DNAL4: variants seen among roughly 807,000 people sequenced by gnomAD.
DNAL4 encodes dynein axonemal light chain 4.
DNAL4 carries 10 observed loss-of-function variants against 12.6 expected under a neutral mutation model. The ratio of observed to expected loss-of-function variants is 0.79; its 90% CI spans 0.49 to 1.34. DNAL4 has a LOEUF of 1.34. DNAL4 is among the 40% of genes most tolerant of loss of function. DNAL4 has a pLI of 0.00. For synonymous variants in DNAL4, 46 were observed against 53.1 expected, an observed-to-expected ratio of 0.87 and a Z score of 0.58; for missense variants, 128 against 138.1, an observed-to-expected ratio of 0.93 and a Z score of 0.37.
At position 38,779,225 on chromosome 22, in the gene DNAL4, C is replaced by T. The variant is rs570757058; in HGVS notation, c.*224G>A. Reference sequence around the variant, plus strand: ...CACGTCTCCCACACAGACCCATGCCCGCTGCCCCGTCCACACCCTGAGACT... The same window carrying T: ...CACGTCTCCCACACAGACCCATGCCTGCTGCCCCGTCCACACCCTGAGACT... On this transcript the variant is annotated 3_prime_UTR_variant, in exon 4 of 4. Coordinates refer to ENST00000216068, the MANE Select transcript of DNAL4 (RefSeq NM_005740.3). This position sits in a 1 kb window ranked among gnomAD's most constrained non-coding sequence, Gnocchi z 4.3. 3.2e-4 allele frequency: 168 copies of T among 520,126 alleles called. 2 individuals are homozygous for T. The South Asian group carries it at 5.4e-3, about 17-fold the overall frequency. The allele number at this position is 520,126 out of a possible 1,614,324, so 32.2% of individuals were successfully genotyped here.
At position 38,783,323 on chromosome 22, in the gene DNAL4, T is replaced by A. The variant is rs1030504054; in HGVS notation, c.-139-453A>T. 2.4e-4 allele frequency among the ~76,000 whole-genome samples: 34 copies of A among 144,366 alleles called. 1 individual carries two copies. The highest frequency in any genetic ancestry group is 7.6e-4 in the Admixed American group (11 of 14,552). The allele number at this position is 144,366 out of a possible 152,430, so 94.7% of individuals were successfully genotyped here. ...TCCCACTACACACACGGGCCTTCCC[T>A]CCCACTACACACGCGGGCCTTCCCT... is the stretch of plus-strand genomic sequence containing the variant. On this transcript the variant is annotated intron_variant, in intron 1 of 3. Transcript: ENST00000216068.
At chr22:38,780,129 T>C (rs1019567151) in intron 3 of DNAL4, among the ~76,000 whole-genome samples, 9 of 152,134 alleles carry the variant, frequency 5.9e-5, no homozygotes, top group African/African-American at 2.2e-4. Context: ...GTGCCCCCTG[T>C]GTGAGGAGGT....
At chr22:38,793,167 C>G (rs939034331) in intron 1 of DNAL4, among the ~76,000 whole-genome samples, 8 of 152,210 alleles carry the variant, frequency 5.3e-5, no homozygotes, top group Non-Finnish European at 1.0e-4. Flanking sequence ...CAATCTCCAT[C>G]TGTCCCCTCC....
At position 38,787,709 on chromosome 22, in the gene DNAL4, T is replaced by C. The variant is rs370157959; in HGVS notation, c.-139-4839A>G. Among the ~76,000 whole-genome samples the C allele has an allele frequency of 2.1e-4, 32 of 152,364 alleles. No individual in the cohort carries two copies. In the South Asian group the frequency reaches 6.4e-3, roughly 31 times the overall value. On this transcript the variant is annotated intron_variant, in intron 1 of 3. Coordinates refer to ENST00000216068, the MANE Select transcript of DNAL4 (RefSeq NM_005740.3). ...AGTTCCCACTATGTGCAAACCACTG[T>C]GGTAGTAATGAAGGAGGAAAGAGTC... is the stretch of plus-strand genomic sequence containing the variant.
chr22:38,785,027 A>G (rs1379435786), intron 1 of DNAL4, among the ~76,000 whole-genome samples: 2 of 141,732 alleles, frequency 1.4e-5, no homozygotes, highest in Non-Finnish European at 3.1e-5. Context: ...CAGTGGACAG[A>G]TGGCTCCACT....
chr22:38,790,715 TAG>T (rs1179983895), intron 1 of DNAL4, among the ~76,000 whole-genome samples: 1 of 152,186 alleles, frequency 6.6e-6, no homozygotes, highest in African/African-American at 2.4e-5. Context: ...GTGAATGTCA[TAG>T]AGTGTACTTA....
At chr22:38,785,092 T>A (rs184169284) in intron 1 of DNAL4, among the ~76,000 whole-genome samples, 1 of 152,136 alleles carries the variant, frequency 6.6e-6, no homozygotes, top group East Asian at 1.9e-4. Context: ...TTTTTGTTTG[T>A]CTCTCTCTAC....
intron 1 of DNAL4, among the ~76,000 whole-genome samples, chr22:38,788,673 A>G (rs2093046025): frequency 6.6e-6 from 1 of 152,220 alleles, no homozygotes; most frequent in South Asian, 2.1e-4. Context: ...CATCACAGCT[A>G]TTAGCTCCCG....
chr22:38,782,959 C>T lies in DNAL4; in HGVS notation c.-139-89G>A, dbSNP rs1203368399. On this transcript the variant is annotated intron_variant, in intron 1 of 3. Transcript: ENST00000216068. The surrounding 1 kb of genome is among the most constrained non-coding windows in gnomAD (Gnocchi z 5.1). ...AAATGTCTCAGTAACAATCTGACAC[C>T]TCCCCATCTTAACTCCTCCGCACCC... is the stretch of plus-strand genomic sequence containing the variant. 2.2e-6 allele frequency: 1 copy of T among 455,670 alleles called. No individual in the cohort carries two copies. The highest frequency in any genetic ancestry group is 4.2e-5 in the Admixed American group (1 of 23,680). 28.2% of individuals were successfully genotyped at this position (455,670 alleles called of 1,614,324 possible). A position where few individuals can be genotyped will look rare whatever the true frequency, so the allele number is the denominator to read the frequency against.
Position 38,791,350 on chromosome 22 carries a change from TTTTTA to T in DNAL4, c.-140+2713_-140+2717del, listed in dbSNP as rs143385938. 3.4e-3 allele frequency among the ~76,000 whole-genome samples: 511 copies of T among 152,148 alleles called. 4 individuals carry two copies. The highest frequency in any genetic ancestry group is 0.012 in the African/African-American group (478 of 41,488). The stretch of plus-strand genomic sequence containing the variant: ...ACTATAACTTTATTTTACTTTTTAA[TTTTTA>T]TTTTATTTTATTTTTTGAGATGAAT... On this transcript the variant is annotated intron_variant, in intron 1 of 3. Coordinates refer to ENST00000216068, the MANE Select transcript of DNAL4 (RefSeq NM_005740.3).
At chr22:38,781,344 C>T (rs549533490) in intron 2 of DNAL4, among the ~76,000 whole-genome samples, 16 of 152,366 alleles carry the variant, frequency 1.1e-4, no homozygotes, top group African/African-American at 3.6e-4. Context: ...CCCGGAGGCC[C>T]GAAGAGGCCG....
intron 1 of DNAL4, among the ~76,000 whole-genome samples, chr22:38,789,378 G>A (rs901844808): frequency 6.6e-6 from 1 of 151,730 alleles, no homozygotes; most frequent in Non-Finnish European, 1.5e-5. Context: ...TGATCCTCCT[G>A]AGTAGCTCAT....
chr22:38,784,370 C>G (rs1010014693), intron 1 of DNAL4, among the ~76,000 whole-genome samples: 1 of 152,138 alleles, frequency 6.6e-6, no homozygotes, highest in Non-Finnish European at 1.5e-5. Flanking sequence ...CACTCCTGAC[C>G]CCTTGTTCAT....
intron 1 of DNAL4, among the ~76,000 whole-genome samples, chr22:38,789,669 C>T (rs1026821836): frequency 4.6e-5 from 7 of 152,192 alleles, no homozygotes; most frequent in African/African-American, 1.7e-4. Flanking sequence ...CAGGCATACA[C>T]AAGGAACTAA....
At chr22:38,789,259 A>C (rs1438199612) in intron 1 of DNAL4, among the ~76,000 whole-genome samples, 1 of 152,134 alleles carries the variant, frequency 6.6e-6, no homozygotes, top group Non-Finnish European at 1.5e-5. Flanking sequence ...ATGACTTCAA[A>C]GATTATGCTT....
At chr22:38,783,964 GT>G (rs66904972) in intron 1 of DNAL4, among the ~76,000 whole-genome samples, 48,987 of 146,826 alleles carry the variant, frequency 0.33, 8,242 homozygotes, top group East Asian at 0.64. Flanking sequence ...ATAATTCAAA[GT>G]TTTTTTTTTT....
intron 1 of DNAL4, among the ~76,000 whole-genome samples, chr22:38,788,107 C>T (rs2093045161): frequency 6.6e-6 from 1 of 152,198 alleles, no homozygotes; most frequent in Non-Finnish European, 1.5e-5. Flanking sequence ...CAGGCGGGCA[C>T]TCCAGTCTTC....
In DNAL4 at chr22:38,787,304, C is replaced by T. The variant is rs146782307; in HGVS notation, c.-139-4434G>A. On this transcript the variant is annotated intron_variant, in intron 1 of 3. Coordinates refer to ENST00000216068, the MANE Select transcript of DNAL4 (RefSeq NM_005740.3). ...TTGCACAGGCTGGAGTGTAGTGACG[C>T]GATCTCGGCTCACTGCAACCTCCGC... is the stretch of plus-strand genomic sequence containing the variant. Among the ~76,000 whole-genome samples, 822 of 151,140 alleles carry T rather than the reference C, an allele frequency of 5.4e-3. 6 individuals carry two copies. Among genetic ancestry groups the T allele is most frequent in the African/African-American group, 0.019 (781 of 41,086 alleles).
intron 1 of DNAL4, among the ~76,000 whole-genome samples, chr22:38,783,786 C>T (rs2146165318): frequency 6.6e-6 from 1 of 152,286 alleles, no homozygotes; most frequent in South Asian, 2.1e-4. Flanking sequence ...TTCAAAGAAA[C>T]AGTGCCTGTA....
Sources: gnomAD v4.1 joint callset for allele counts (sites outside exome capture counted in the v4.1 genomes callset) on GRCh38, gnomAD v4.1.1 for gene constraint, Gnocchi (gnomAD v3.1) non-coding constraint, MANE v1.5 for transcripts, NCBI Gene and HGNC (gene_info 2026-07-23, HGNC 2026-07-21) for gene names.